ZNF721: variants seen among roughly 807,000 people sequenced by gnomAD.
ZNF721 encodes zinc finger protein 721.
Under a neutral mutation model 2.4 loss-of-function variants are expected in ZNF721, and 2 were observed. That is an observed-to-expected ratio of 0.82 (90% CI 0.34 to 2.58). ZNF721 has a LOEUF of 2.58. ZNF721 is among the 30% of genes most tolerant of loss of function. The probability of loss-of-function intolerance (pLI) is 0.11; values close to 1 mark genes in which losing one functional copy is unlikely to be tolerated. For synonymous variants in ZNF721, 398 were observed against 381.8 expected (o/e 1.04, Z -0.50); for missense variants, 1,187 against 1,085.5 (o/e 1.09, Z -1.31).
intron 1 of ZNF721, among the ~76,000 whole-genome samples, chr4:484,642 T>C (rs6599352): frequency 0.36 from 55,329 of 152,058 alleles, 10,263 homozygotes; most frequent in African/African-American, 0.44. Flanking sequence ...TCTCCCATAG[T>C]GCTCCCAGGC....
At chr4:493,619 C>T (rs1232288224) in intron 1 of ZNF721, among the ~76,000 whole-genome samples, 1 of 149,444 alleles carries the variant, frequency 6.7e-6, no homozygotes, top group Non-Finnish European at 1.5e-5. Context: ...GTGGAGGTTG[C>T]AGTGAGCCAA....
chr4:474,103 C>G (rs1283970653), intron 1 of ZNF721: 7 of 1,287,316 alleles, frequency 5.4e-6, no homozygotes, highest in Non-Finnish European at 5.2e-6. Flanking sequence ...GGTGTGGAAG[C>G]AGGGAAGTGA....
intron 1 of ZNF721, among the ~76,000 whole-genome samples, chr4:474,398 GGT>G (rs1407582470): frequency 1.3e-5 from 2 of 152,124 alleles, no homozygotes; most frequent in Non-Finnish European, 2.9e-5. Flanking sequence ...TTAACCTTCT[GGT>G]GTGTAACGTT....
At chr4:480,731 G>A (rs1245917281) in intron 1 of ZNF721, among the ~76,000 whole-genome samples, 5 of 150,470 alleles carry the variant, frequency 3.3e-5, no homozygotes, top group Admixed American at 2.0e-4. Flanking sequence ...ATTTGCTTTC[G>A]GAAGGTAGAG....
chr4:472,523 AAAAT>A (rs1715467132), intron 2 of ZNF721, 48 bp downstream of exon 2: 1 of 1,561,562 alleles, frequency 6.4e-7, no homozygotes, highest in African/African-American at 1.4e-5. Flanking sequence ...ACAAAAATAG[AAAAT>A]AAAACTCAGA....
chr4:474,632 T>A (rs1396771693), intron 1 of ZNF721, among the ~76,000 whole-genome samples: 1 of 152,144 alleles, frequency 6.6e-6, no homozygotes, highest in Non-Finnish European at 1.5e-5. Context: ...ATCCCAAAGC[T>A]TTGGGAGGCC....
At position 470,233 on chromosome 4, in the gene ZNF721, A is replaced by G. The variant is rs552321234; in HGVS notation, c.34+2342T>C. ...CCCCAAAATTAACTCAAAATGAAACACTTACACGTAAGACAAAAACCTTAG... is the reference window on the plus strand; with the variant it reads ...CCCCAAAATTAACTCAAAATGAAACGCTTACACGTAAGACAAAAACCTTAG... On this transcript the variant is annotated intron_variant, in intron 2 of 2. Coordinates refer to ENST00000511833, the MANE Select transcript of ZNF721 (RefSeq NM_133474.4). Among the ~76,000 whole-genome samples, 23 of 152,258 alleles carry G rather than the reference A, an allele frequency of 1.5e-4. No individual in the cohort carries two copies. In the South Asian group the frequency reaches 4.8e-3, roughly 32 times the overall value.
intron 2 of ZNF721, among the ~76,000 whole-genome samples, chr4:469,170 A>C (rs1715350926): frequency 1.3e-5 from 2 of 152,138 alleles, no homozygotes; most frequent in African/African-American, 4.8e-5. Context: ...CCTGTGCTCA[A>C]GTGATCCACA....
chr4:472,500 CAAAA>C (rs1553867827), intron 2 of ZNF721, 71 bp downstream of exon 2: 1 of 1,507,694 alleles, frequency 6.6e-7, no homozygotes, highest in African/African-American at 1.4e-5. Flanking sequence ...AGATATATCT[CAAAA>C]GACATTCTAC....
chr4:456,136 T>C (rs1714841879), intron 2 of ZNF721, among the ~76,000 whole-genome samples: 1 of 152,090 alleles, frequency 6.6e-6, no homozygotes, highest in African/African-American at 2.4e-5. Flanking sequence ...AGTGGCACAA[T>C]GTCGGCTCAC....
rs1553863888 is a variant in ZNF721, at chr4:444,219, C to G, written c.248G>C (p.Cys83Ser). 6.2e-7 allele frequency: 1 copy of G among 1,613,564 alleles called. No individual in the cohort carries two copies. The highest frequency in any genetic ancestry group is 1.3e-5 in the African/African-American group (1 of 74,902). Residue 83 changes from cysteine to serine, a missense_variant, in exon 3 of 3, where the codon TGT becomes TCT. Coordinates refer to ENST00000511833, the MANE Select transcript of ZNF721 (RefSeq NM_133474.4). ...ACTAAAAACTTTGACACGTGCATTA[C>G]ATTGAAATATTTTGCTCTGAGTATT... ...LSNTQSKIFQ[C>S]NARVKVFSKF...
chr4:443,193 G>T lies in ZNF721; in HGVS notation c.1274C>A (p.Ala425Asp). 6.2e-7 allele frequency: 1 copy of T among 1,613,752 alleles called. No homozygotes were observed. Among genetic ancestry groups the T allele is most frequent in the Non-Finnish European group, 8.5e-7 (1 of 1,179,838 alleles). Residue 425 changes from alanine (A) to aspartate (D), a missense_variant, in exon 3 of 3, where the codon GCC becomes GAC. By Grantham distance (126) the Ala-to-Asp change is moderately radical (BLOSUM62 -2). Transcript: ENST00000511833. ...KPYTCEDRGRAFGLSTNLNEY... is the reference protein window; with the variant it reads ...KPYTCEDRGRDFGLSTNLNEY... ...ATTCAGGTTTGTGGACAATCCAAAG[G>T]CTCTGCCACGATCTTCACATGTGTA...
chr4:441,693 C>T lies in ZNF721; in HGVS notation c.*2G>A, dbSNP rs782050585. 4 of 1,599,110 alleles carry T rather than the reference C, an allele frequency of 2.5e-6. No homozygotes were observed. Among genetic ancestry groups the T allele is most frequent in the African/African-American group, 1.3e-5 (1 of 74,620 alleles). ...TATGACTTAAAGGCTTTGCCACATTCTTTACACTTGTATGGTTTTATCTCC... is the reference window on the plus strand; with the variant it reads ...TATGACTTAAAGGCTTTGCCACATTTTTTACACTTGTATGGTTTTATCTCC... On this transcript the variant is annotated 3_prime_UTR_variant, in exon 3 of 3. Coordinates refer to ENST00000511833, the MANE Select transcript of ZNF721 (RefSeq NM_133474.4).
In ZNF721 at chr4:499,099, C is replaced by A. The variant is rs890645279; in HGVS notation, c.-137G>T. ...CGTCGCGGACTCGCCGGGAAGACGG[C>A]CCCACGGAGCCGGGAACACCGCCCG... On this transcript the variant is annotated 5_prime_UTR_variant, in exon 1 of 3. Transcript: ENST00000511833. The A allele has an allele frequency of 4.2e-5, 23 of 543,926 alleles. No individual in the cohort carries two copies. The highest frequency in any genetic ancestry group is 7.0e-5 in the Non-Finnish European group (22 of 313,598). The allele number at this position is 543,926 out of a possible 1,614,324, so 33.7% of individuals were successfully genotyped here.
At chr4:480,826 G>GT (rs1365952841) in intron 1 of ZNF721, among the ~76,000 whole-genome samples, 1 of 143,510 alleles carries the variant, frequency 7.0e-6, no homozygotes, top group African/African-American at 2.5e-5. Context: ...CCTTTTGTGG[G>GT]GGGGGGGGGA....
intron 2 of ZNF721, among the ~76,000 whole-genome samples, chr4:467,952 C>G (rs1715306470): frequency 6.6e-6 from 1 of 151,208 alleles, no homozygotes; most frequent in Non-Finnish European, 1.5e-5. Flanking sequence ...CTGGCTAACA[C>G]AGTGAAACCC....
At chr4:454,928 G>A (rs1031490552) in intron 2 of ZNF721, among the ~76,000 whole-genome samples, 4 of 152,266 alleles carry the variant, frequency 2.6e-5, no homozygotes, top group Admixed American at 6.5e-5. Flanking sequence ...AAAGCCCCTC[G>A]TGACTGGGCC....
At chr4:481,177 C>A (rs1433007308) in intron 1 of ZNF721, among the ~76,000 whole-genome samples, 1 of 152,170 alleles carries the variant, frequency 6.6e-6, no homozygotes, top group Non-Finnish European at 1.5e-5. Flanking sequence ...CTATCTCAAC[C>A]TCCCAAAGTG....
chr4:469,172 T>G (rs782290649), intron 2 of ZNF721, among the ~76,000 whole-genome samples: 6 of 152,142 alleles, frequency 3.9e-5, no homozygotes, highest in Non-Finnish European at 7.3e-5. Context: ...TGTGCTCAAG[T>G]GATCCACATG....
Sources: gnomAD v4.1 joint callset for allele counts (sites outside exome capture counted in the v4.1 genomes callset) on GRCh38, gnomAD v4.1.1 for gene constraint, MANE v1.5 for transcripts, NCBI Gene and HGNC (gene_info 2026-07-23, HGNC 2026-07-21) for gene names.